The following CEP78 variants were observed in gnomAD, a reference collection of about 807,000 sequenced individuals.
CEP78 encodes centrosomal protein of 78 kDa.
Under a neutral mutation model 81.2 loss-of-function variants are expected in CEP78, and 76 were observed. The observed-to-expected ratio is 0.94, with a 90% CI of 0.78 to 1.13. The LOEUF is 1.13. Among genes scored for constraint, CEP78 ranks in the 50% most tolerant of loss-of-function variants. The pLI, the probability that CEP78 is intolerant of heterozygous loss-of-function variation, is 0.00. For synonymous variants in CEP78, 293 were observed against 301.4 expected, an observed-to-expected ratio of 0.97 and a Z score of 0.29; for missense variants, 918 against 846.8, an observed-to-expected ratio of 1.08 and a Z score of -1.04.
intron 6 of CEP78, among the ~76,000 whole-genome samples, chr9:78,247,152 A>G (rs1015767415): frequency 6.6e-6 from 1 of 152,230 alleles, no homozygotes; most frequent in Non-Finnish European, 1.5e-5. Context: ...ACAGCAGTAA[A>G]CCAGCTAGAC....
At chr9:78,243,970 C>T (rs892586425) in intron 5 of CEP78, among the ~76,000 whole-genome samples, 2 of 151,776 alleles carry the variant, frequency 1.3e-5, no homozygotes, top group African/African-American at 4.8e-5. Context: ...TTTTGTAACC[C>T]TGCTTTTTTT....
Position 78,262,990 on chromosome 9 carries a change from TA to T in CEP78, c.1458+10del, listed in dbSNP as rs1181579643. The T allele has an allele frequency of 5.4e-5, 82 of 1,524,232 alleles. No individual in the cohort carries two copies. The highest frequency in any genetic ancestry group is 7.1e-5 in the Non-Finnish European group (80 of 1,130,898). The allele number at this position is 1,524,232 out of a possible 1,614,324, so 94.4% of individuals were successfully genotyped here. A position where few individuals can be genotyped will look rare whatever the true frequency, so the allele number is the denominator to read the frequency against. On this transcript the variant is annotated splice_region_variant and intron_variant, in intron 12 of 16. Coordinates refer to ENST00000643273, the MANE Select transcript of CEP78 (RefSeq NM_001330691.3). ...TTGATAAACGAGTCAGTGAGGTAAA[TA>T]AAAGTTTTCTTACCTTTTGAGAGTT...
At chr9:78,255,311 CCTTAT>C (rs969351859) in intron 11 of CEP78, among the ~76,000 whole-genome samples, 6 of 151,864 alleles carry the variant, frequency 4.0e-5, no homozygotes, top group Admixed American at 2.6e-4. Flanking sequence ...CTTTGGGAGG[CCTTAT>C]CTTTTTGTGT....
chr9:78,267,500 A>G (rs538781179), intron 16 of CEP78, among the ~76,000 whole-genome samples: 8 of 152,252 alleles, frequency 5.3e-5, no homozygotes, highest in Non-Finnish European at 1.2e-4. Flanking sequence ...GCAACCCTAT[A>G]AGATAGGGAA....
rs956682556 is a variant in CEP78 at position 78,278,919 on chromosome 9, TAAG to T, written c.*8073_*8075del. On this transcript the variant is annotated 3_prime_UTR_variant, in exon 17 of 17. Transcript: ENST00000643273. ...ATAATTTGGTCAAAAAGTTAAAAAA[TAAG>T]AAGACTTTGCCCTGTGACTGAGGTG... 38 of 152,212 alleles carry T rather than the reference TAAG, an allele frequency of 2.5e-4. No homozygotes were observed. The highest frequency in any genetic ancestry group is 9.1e-4 in the African/African-American group (38 of 41,536). 9.4% of individuals were successfully genotyped at this position (152,212 alleles called of 1,614,324 possible).
In CEP78 at chr9:78,240,278, C is replaced by T; in HGVS notation, c.427-14C>T. 6.2e-7 allele frequency: 1 copy of T among 1,607,016 alleles called. No homozygotes were observed. Among genetic ancestry groups the T allele is most frequent in the Non-Finnish European group, 8.5e-7 (1 of 1,176,022 alleles). On this transcript the variant is annotated splice_polypyrimidine_tract_variant and intron_variant, in intron 2 of 16. Transcript: ENST00000643273. Reference sequence around the variant, plus strand: ...AACCTCAATAACATTTTTAACTTTTCCCCCTCATTAAAGGGATTGAATAAA... The same window carrying T: ...AACCTCAATAACATTTTTAACTTTTTCCCCTCATTAAAGGGATTGAATAAA...
chr9:78,237,338 C>T (rs1302523854), intron 1 of CEP78, among the ~76,000 whole-genome samples: 1 of 152,038 alleles, frequency 6.6e-6, no homozygotes, highest in Admixed American at 6.5e-5. Flanking sequence ...CAAATACAAG[C>T]CATTTGTAAA....
intron 12 of CEP78, 125 bp downstream of exon 12, chr9:78,263,109 A>G (rs1209889421): frequency 2.1e-6 from 1 of 469,834 alleles, no homozygotes; most frequent in Non-Finnish European, 3.8e-6. Flanking sequence ...AAATGGTCAC[A>G]GTATGTTAAT....
At position 78,277,846 on chromosome 9, in the gene CEP78, A is replaced by G. The variant is rs1309401744; in HGVS notation, c.*6995A>G. ...TGTACAGAAATGCAGAAATTGTTGAATTAGTACATACCAATTTCTGACATA... is the reference window on the plus strand; with the variant it reads ...TGTACAGAAATGCAGAAATTGTTGAGTTAGTACATACCAATTTCTGACATA... On this transcript the variant is annotated 3_prime_UTR_variant, in exon 17 of 17. Transcript: ENST00000643273. The G allele has an allele frequency of 6.6e-6, 1 of 152,256 alleles. No homozygotes were observed. The highest frequency in any genetic ancestry group is 1.5e-5 in the Non-Finnish European group (1 of 68,032). 9.4% of individuals were successfully genotyped at this position (152,256 alleles called of 1,614,324 possible). A position where few individuals can be genotyped will look rare whatever the true frequency, so the allele number is the denominator to read the frequency against.
rs1826244668 is a variant in CEP78 at position 78,241,788 on chromosome 9, A to C, written c.592A>C (p.Lys198Gln). The C allele has an allele frequency of 6.3e-7, 1 of 1,577,820 alleles. No homozygotes were observed. Among genetic ancestry groups the C allele is most frequent in the South Asian group, 1.1e-5 (1 of 89,754 alleles). Residue 198 changes from lysine (K) to glutamine (Q), a missense_variant, in exon 4 of 17, where the codon AAG (lysine) becomes CAG (glutamine). Transcript: ENST00000643273. ...ATGGCAGGGAGCAGATCACATGGCC[A>C]AGATCTTAAAGGTAACTTTATGTTC... ...LTWQGADHMA[K>Q]ILKYQTMRRH...
intron 11 of CEP78, among the ~76,000 whole-genome samples, chr9:78,255,793 T>C (rs1373652938): frequency 6.6e-6 from 1 of 152,248 alleles, no homozygotes; most frequent in Non-Finnish European, 1.5e-5. Flanking sequence ...CTAAGTGGTT[T>C]ATTACTAAGT....
chr9:78,243,584 C>G lies in CEP78; in HGVS notation c.726C>G (p.Asp242Glu). Residue 242 changes from aspartate to glutamate, a missense_variant, in exon 5 of 17, where the codon GAC becomes GAG. Transcript: ENST00000643273. The stretch of plus-strand genomic sequence containing the variant: ...TGAATTGCAACACACTTATTGGTGA[C>G]CTAGGTGCATGTGCTTTTGCAGACT... ...ITLNCNTLIG[D>E]LGACAFADSL... 4 of 1,613,752 alleles carry G rather than the reference C, an allele frequency of 2.5e-6. No individual in the cohort carries two copies. The highest frequency in any genetic ancestry group is 3.4e-6 in the Non-Finnish European group (4 of 1,179,800).
In CEP78 at chr9:78,236,483, T is replaced by A. The variant is rs373441923; in HGVS notation, c.133T>A (p.Phe45Ile). The change falls in exon 1 of 17, where the codon TTC (phenylalanine) becomes ATC (isoleucine). Residue 45 changes from phenylalanine (F) to isoleucine (I), a missense_variant. Transcript: ENST00000643273. Reference protein sequence around the residue: ...RACLREGVLDFNADRLRGVDW... With the variant: ...RACLREGVLDINADRLRGVDW... ...CTGTCTCCGGGAGGGCGTGCTGGAT[T>A]TCAACGCCGACCGCCTCCGCGGGGT... The A allele has an allele frequency of 1.2e-6, 2 of 1,607,332 alleles. No homozygotes were observed.
chr9:78,267,710 A>G (rs552797323), intron 16 of CEP78, among the ~76,000 whole-genome samples: 7 of 152,298 alleles, frequency 4.6e-5, no homozygotes, highest in East Asian at 1.9e-4. Context: ...AATGAACACT[A>G]TAAGTAGAAA....
In CEP78 at chr9:78,274,934, C is replaced by T. The variant is rs1404499990; in HGVS notation, c.*4083C>T. 2.0e-5 allele frequency: 3 copies of T among 151,306 alleles called. No individual in the cohort carries two copies. The highest frequency in any genetic ancestry group is 7.3e-5 in the African/African-American group (3 of 41,130). The allele number at this position is 151,306 out of a possible 1,614,324, so 9.4% of individuals were successfully genotyped here. A position where few individuals can be genotyped will look rare whatever the true frequency, so the allele number is the denominator to read the frequency against. The stretch of plus-strand genomic sequence containing the variant: ...CATTTAAAGCTAAGAAAGAGATAAA[C>T]CAAAAGAAAGGTGAGGAATTGGTAA... On this transcript the variant is annotated 3_prime_UTR_variant, in exon 17 of 17. Transcript: ENST00000643273.
intron 1 of CEP78, among the ~76,000 whole-genome samples, chr9:78,236,896 A>G (rs1825971224): frequency 7.0e-6 from 1 of 143,310 alleles, no homozygotes; most frequent in South Asian, 2.3e-4. Flanking sequence ...GATGTTACCT[A>G]TTTTATTGAA....
intron 11 of CEP78, among the ~76,000 whole-genome samples, chr9:78,257,062 A>G (rs1431195575): frequency 1.3e-5 from 2 of 152,060 alleles, no homozygotes; most frequent in African/African-American, 2.4e-5. Context: ...ATGTTACTGT[A>G]AGAAATCTCA....
Position 78,264,196 on chromosome 9 carries a change from C to A in CEP78, c.1505C>A (p.Ser502Tyr). The A allele has an allele frequency of 6.4e-7, 1 of 1,555,618 alleles. No individual in the cohort carries two copies. The highest frequency in any genetic ancestry group is 1.2e-5 in the South Asian group (1 of 82,480). Reference protein sequence around the residue: ...AQLRNINFSLSEALHAQSLTN... With the variant: ...AQLRNINFSLYEALHAQSLTN... The stretch of plus-strand genomic sequence containing the variant: ...TTAAGAAATATAAATTTCTCTTTGT[C>A]TGAAGCCCTTCATGCACAGTCATTG... Residue 502 changes from serine (S) to tyrosine (Y), a missense_variant, in exon 13 of 17, where the codon TCT becomes TAT. Physicochemically the swap from Ser to Tyr is moderately radical, Grantham distance 144. Coordinates refer to ENST00000643273, the MANE Select transcript of CEP78 (RefSeq NM_001330691.3).
rs1826242408 is a variant in CEP78, at chr9:78,241,757, T to A, written c.561T>A (p.Asn187Lys). Residue 187 changes from asparagine (N) to lysine (K), a missense_variant, in exon 4 of 17, where the codon AAT (asparagine) becomes AAA (lysine). By Grantham distance (94) the Asn-to-Lys change is moderately conservative (BLOSUM62 0). Coordinates refer to ENST00000643273, the MANE Select transcript of CEP78 (RefSeq NM_001330691.3). ...AGACAGTCAACTTCACAGGATGTAA[T>A]CTGACATGGCAGGGAGCAGATCACA... ...TLKTVNFTGC[N>K]LTWQGADHMA... 1 of 1,610,734 alleles carries A rather than the reference T, an allele frequency of 6.2e-7. No individual in the cohort carries two copies. Among genetic ancestry groups the A allele is most frequent in the Non-Finnish European group, 8.5e-7 (1 of 1,177,388 alleles).
Sources: gnomAD v4.1 joint callset for allele counts (sites outside exome capture counted in the v4.1 genomes callset) on GRCh38, gnomAD v4.1.1 for gene constraint, MANE v1.5 for transcripts, NCBI Gene and HGNC (gene_info 2026-07-23, HGNC 2026-07-21) for gene names.